Variants in TRPC5 observed in about 807,000 individuals in gnomAD.
TRPC5 encodes the protein short transient receptor potential channel 5.
A neutral mutation model predicts 56.5 loss-of-function variants in TRPC5; 9 were observed. The ratio of observed to expected loss-of-function variants is 0.16; its 90% CI spans 0.10 to 0.28. The LOEUF (loss-of-function observed/expected upper bound fraction) is 0.28, where lower values mean the gene tolerates loss of function less well. TRPC5 is among the 10% of genes least tolerant of loss of function. The pLI, the probability that TRPC5 is intolerant of heterozygous loss-of-function variation, is 1.00. For missense variants in TRPC5, 469 were observed against 748.9 expected (o/e 0.63, Z 4.36); for synonymous variants, 282 against 278.5 (o/e 1.01, Z -0.13).
chrX:111,918,544 G>A (rs1926039177), intron 2 of TRPC5, among the ~76,000 whole-genome samples: 2 of 110,550 alleles, frequency 1.8e-5, no homozygotes. Context: ...TGACAGTCCA[G>A]ATGTGGGGAT....
chrX:111,898,244 G>A (rs1481328329), intron 3 of TRPC5, among the ~76,000 whole-genome samples: 4 of 90,041 alleles, frequency 4.4e-5, no homozygotes, highest in African/African-American at 2.0e-4. Flanking sequence ...TTGAGTTGTA[G>A]GGGTTCTTAT....
At chrX:111,784,977 C>T (rs898420196) in intron 7 of TRPC5, among the ~76,000 whole-genome samples, 3 of 112,514 alleles carry the variant, frequency 2.7e-5, no homozygotes, top group African/African-American at 9.7e-5. Flanking sequence ...GACTCCACCT[C>T]TGTGGGCAGG....
chrX:112,042,392 C>T (rs761068897), intron 1 of TRPC5, among the ~76,000 whole-genome samples: 1 of 111,692 alleles, frequency 9.0e-6, no homozygotes, highest in Non-Finnish European at 1.9e-5. Flanking sequence ...TGTTTAGTTG[C>T]TCCAAGAGGC....
At chrX:111,890,756 G>T (rs1371373950) in intron 3 of TRPC5, among the ~76,000 whole-genome samples, 1 of 111,561 alleles carries the variant, frequency 9.0e-6, no homozygotes, top group East Asian at 2.8e-4. Flanking sequence ...ACAAGTGCAG[G>T]TTTGTTACAT....
chrX:111,950,282 A>G (rs1478647247), intron 2 of TRPC5, among the ~76,000 whole-genome samples: 3 of 109,592 alleles, frequency 2.7e-5, no homozygotes, highest in Non-Finnish European at 5.7e-5. Flanking sequence ...CCGAGATCGC[A>G]CCACTGCACT....
In TRPC5 at chrX:112,082,692, C is replaced by G. The variant is rs1206312734; in HGVS notation, c.-835G>C. 9.1e-6 allele frequency: 1 copy of G among 109,875 alleles called. No homozygotes were observed. The highest frequency in any genetic ancestry group is 3.3e-5 in the African/African-American group (1 of 29,901). 9.1% of individuals were successfully genotyped at this position (109,875 alleles called of 1,213,427 possible). The stretch of plus-strand genomic sequence containing the variant: ...CTTCCTTTTCCCTTCTTTCTGCGCC[C>G]GGCTTCCCTCTGCTCCTGTTCTTTA... On this transcript the variant is annotated 5_prime_UTR_variant, in exon 1 of 11. Transcript: ENST00000262839.
Position 111,776,869 on chromosome X carries a change from C to G in TRPC5, c.2366G>C (p.Gly789Ala), listed in dbSNP as rs1246524728. The change falls in exon 11 of 11, where the codon GGG becomes GCG. Residue 789 changes from glycine (G) to alanine (A), a missense_variant. Gly to Ala is a moderately conservative substitution (Grantham distance 60). Around this residue, in one of 3 missense-constraint regions of TRPC5, gnomAD observed 194 missense variants for 221.8 expected, o/e 0.87. Coordinates refer to ENST00000262839, the MANE Select transcript of TRPC5 (RefSeq NM_012471.3). ...GACACTCTTGGATTTGGCCCGAGCC[C>G]CACCACTGCCATCATTATTATCGTC... ...QRDDNNDGSG[G>A]ARAKSKSVSF... 2.5e-6 allele frequency: 3 copies of G among 1,209,865 alleles called. No individual in the cohort carries two copies. The African/African-American group carries it at 5.2e-5, about 21-fold the overall frequency.
At chrX:112,053,137 T>C (rs765350807) in intron 1 of TRPC5, among the ~76,000 whole-genome samples, 1 of 111,990 alleles carries the variant, frequency 8.9e-6, no homozygotes, top group African/African-American at 3.2e-5. Context: ...TGTTGGTTAA[T>C]GACAACATTA....
intron 7 of TRPC5, among the ~76,000 whole-genome samples, chrX:111,783,015 A>T (rs1191714300): frequency 1.8e-5 from 2 of 111,773 alleles, no homozygotes; most frequent in African/African-American, 3.3e-5. Context: ...CTGTCCCTAT[A>T]GTTTACCTTT....
intron 7 of TRPC5, among the ~76,000 whole-genome samples, chrX:111,815,732 CAT>C (rs748010387): frequency 8.0e-4 from 84 of 105,466 alleles, no homozygotes; most frequent in Admixed American, 2.0e-3. Context: ...ATCACACACA[CAT>C]ATATATATAT....
intron 2 of TRPC5, among the ~76,000 whole-genome samples, chrX:111,917,014 C>G (rs1925997900): frequency 8.9e-6 from 1 of 112,918 alleles, no homozygotes; most frequent in Non-Finnish European, 1.9e-5. Flanking sequence ...CCACGGGGAA[C>G]CACTGAGGGT....
At chrX:111,879,922 T>C (rs1156319762) in intron 3 of TRPC5, among the ~76,000 whole-genome samples, 2 of 112,043 alleles carry the variant, frequency 1.8e-5, no homozygotes, top group Non-Finnish European at 3.8e-5. Flanking sequence ...CTCTTCATTT[T>C]TTTTTTTCTC....
chrX:111,776,638 G>T lies in TRPC5; in HGVS notation c.2597C>A (p.Thr866Lys). ...CTGCTGAACAATTCCATCAGAAATTGTGTACATTGGCTCTGAACTGGGTTC... is the reference window on the plus strand; with the variant it reads ...CTGCTGAACAATTCCATCAGAAATTTTGTACATTGGCTCTGAACTGGGTTC... The part of the protein sequence containing the change: ...MSEPSSEPMY[T>K]ISDGIVQQHC... The change falls in exon 11 of 11, where the codon ACA becomes AAA. Residue 866 changes from threonine (T) to lysine (K), a missense_variant. Physicochemically the swap from Thr to Lys is moderately conservative, Grantham distance 78. Transcript: ENST00000262839. The T allele has an allele frequency of 8.3e-7, 1 of 1,211,805 alleles. No homozygotes were observed. The highest frequency in any genetic ancestry group is 1.1e-6 in the Non-Finnish European group (1 of 895,542).
At chrX:112,062,777 T>C (rs1415149928) in intron 1 of TRPC5, among the ~76,000 whole-genome samples, 1 of 111,746 alleles carries the variant, frequency 8.9e-6, no homozygotes, top group South Asian at 3.8e-4. Flanking sequence ...CTTTATCCTA[T>C]AGGTAGTGGG....
chrX:112,072,503 G>A (rs1312506860), intron 1 of TRPC5, among the ~76,000 whole-genome samples: 1 of 111,361 alleles, frequency 9.0e-6, no homozygotes, highest in Non-Finnish European at 1.9e-5. Context: ...ATGTCACACT[G>A]GCACCTTTAC....
chrX:111,838,595 A>G (rs1255662954), intron 6 of TRPC5, among the ~76,000 whole-genome samples: 2 of 112,169 alleles, frequency 1.8e-5, no homozygotes, highest in Non-Finnish European at 3.8e-5. Context: ...GAAAAAAGCA[A>G]CTAGTCCATT....
chrX:112,012,699 G>T (rs781115503), intron 1 of TRPC5, among the ~76,000 whole-genome samples: 8 of 111,820 alleles, frequency 7.2e-5, no homozygotes, highest in Admixed American at 5.7e-4. Context: ...TCTGGGTCTG[G>T]CCTCTTTCCA....
At position 111,871,854 on chromosome X, in the gene TRPC5, T is replaced by C. The variant is rs958413378; in HGVS notation, c.901-17748A>G. The stretch of plus-strand genomic sequence containing the variant: ...TGTGGTGGTATTGGGAGGTAGGGCC[T>C]AGTGAAAGGTGTTTGGGTCATGAGG... On this transcript the variant is annotated intron_variant, in intron 3 of 10. Coordinates refer to ENST00000262839, the MANE Select transcript of TRPC5 (RefSeq NM_012471.3). Among the ~76,000 whole-genome samples the C allele has an allele frequency of 3.6e-5, 4 of 111,611 alleles. No individual in the cohort carries two copies. The Admixed American group carries it at 3.8e-4, about 11-fold the overall frequency.
intron 1 of TRPC5, among the ~76,000 whole-genome samples, chrX:111,955,021 C>T (rs1673395798): frequency 8.9e-6 from 1 of 112,190 alleles, no homozygotes. Context: ...CAGTACCATT[C>T]ATTGAACTCT....
Sources: gnomAD v4.1 joint callset for allele counts (sites outside exome capture counted in the v4.1 genomes callset) on GRCh38, gnomAD v4.1.1 for gene constraint, gnomAD v4.1.1 regional missense constraint, MANE v1.5 for transcripts, NCBI Gene and HGNC (gene_info 2026-07-23, HGNC 2026-07-21) for gene names.